Variants in BDH1 observed in about 807,000 individuals in gnomAD.
The protein encoded by BDH1 is 3-hydroxybutyrate dehydrogenase 1.
In BDH1, 30 loss-of-function variants were observed where a neutral mutation model predicts 33.1. The observed-to-expected ratio is 0.91, with a 90% CI of 0.68 to 1.23. The LOEUF (loss-of-function observed/expected upper bound fraction) is 1.23, where lower values mean the gene tolerates loss of function less well. Ranked by LOEUF, BDH1 falls within the 50% of genes most tolerant of loss-of-function variation. BDH1 has a pLI of 0.00. For synonymous variants in BDH1, 190 were observed against 183.6 expected (o/e 1.03, Z -0.28); for missense variants, 443 against 464.4 (o/e 0.95, Z 0.42).
rs532913436 is a variant in BDH1 at position 197,545,787 on chromosome 3, C to T, written c.83+574G>A. Among the ~76,000 whole-genome samples, 58 of 152,308 alleles carry T rather than the reference C, an allele frequency of 3.8e-4. 1 individual carries two copies. Among genetic ancestry groups the T allele is most frequent in the South Asian group, 3.3e-3 (16 of 4,826 alleles). ...AAGGGGATCCAGAAACCCTTTCCAA[C>T]GATTTTTGCAACTTTTGTATAAGTC... On this transcript the variant is annotated intron_variant, in intron 3 of 7. Coordinates refer to ENST00000392379, the MANE Select transcript of BDH1 (RefSeq NM_203314.3).
Position 197,520,955 on chromosome 3 carries a change from C to T in BDH1, c.409+1685G>A, listed in dbSNP as rs117703881. Reference sequence around the variant, plus strand: ...GCGACAGTGGGCTGATGAGGTGGCACATCAGAGACAGGCAGAGGAGCGGCA... The same window carrying T: ...GCGACAGTGGGCTGATGAGGTGGCATATCAGAGACAGGCAGAGGAGCGGCA... On this transcript the variant is annotated intron_variant, in intron 6 of 7. Coordinates refer to ENST00000392379, the MANE Select transcript of BDH1 (RefSeq NM_203314.3). The surrounding 1 kb of genome is among the most constrained non-coding windows in gnomAD (Gnocchi z 6.0). Among the ~76,000 whole-genome samples the T allele has an allele frequency of 0.017, 2,651 of 152,246 alleles. 49 individuals are homozygous for T. The highest frequency in any genetic ancestry group is 0.099 in the East Asian group (513 of 5,170).
chr3:197,569,720 G>A (rs1717547310), intron 1 of BDH1, among the ~76,000 whole-genome samples: 2 of 152,164 alleles, frequency 1.3e-5, no homozygotes, highest in South Asian at 4.1e-4. Context: ...TTTGCCTTCT[G>A]CCATGATTGT....
At chr3:197,567,429 CAA>C (rs1717468884) in intron 1 of BDH1, among the ~76,000 whole-genome samples, 1 of 152,156 alleles carries the variant, frequency 6.6e-6, no homozygotes, top group African/African-American at 2.4e-5. Context: ...ATCAGAAACT[CAA>C]AAGAGTGCAA....
Position 197,522,911 on chromosome 3 carries a change from T to C in BDH1, c.268-130A>G, listed in dbSNP as rs1467172686. The C allele has an allele frequency of 9.2e-7, 1 of 1,092,488 alleles. No individual in the cohort carries two copies. Among genetic ancestry groups the C allele is most frequent in the Non-Finnish European group, 1.3e-6 (1 of 767,532 alleles). 67.7% of individuals were successfully genotyped at this position (1,092,488 alleles called of 1,614,324 possible). On this transcript the variant is annotated intron_variant, in intron 5 of 7. Transcript: ENST00000392379. This position sits in a 1 kb window ranked among gnomAD's most constrained non-coding sequence, Gnocchi z 4.8. ...CCTCAGGCATACTGGCAACTGCCCA[T>C]GGGCCTGGCCCACCAGCATGCGGTT...
intron 3 of BDH1, among the ~76,000 whole-genome samples, chr3:197,536,774 C>T (rs1029668492): frequency 6.6e-6 from 1 of 151,980 alleles, no homozygotes; most frequent in Non-Finnish European, 1.5e-5. Context: ...ACCCAGGAGG[C>T]GGAGGTCAAA....
chr3:197,515,100 G>C (rs1313187236), intron 6 of BDH1, among the ~76,000 whole-genome samples: 1 of 152,220 alleles, frequency 6.6e-6, no homozygotes, highest in Admixed American at 6.5e-5. Context: ...GTGGGAACTC[G>C]GCGCTGCTTT....
chr3:197,560,557 C>T (rs560028883), upstream of BDH1, among the ~76,000 whole-genome samples: 25 of 152,302 alleles, frequency 1.6e-4, 1 homozygote, highest in African/African-American at 4.3e-4. Context: ...TAAATGACCC[C>T]GTCTGCTTTG....
In BDH1 at chr3:197,514,379, C is replaced by T. The variant is rs374123564; in HGVS notation, c.447G>A (p.Thr149=). The change falls in exon 7 of 8, where the codon ACG becomes ACA. Residue 149 remains threonine (T), a synonymous_variant. Coordinates refer to ENST00000392379, the MANE Select transcript of BDH1 (RefSeq NM_203314.3). The surrounding 1 kb of genome is among the most constrained non-coding windows in gnomAD (Gnocchi z 4.2). ...WGLVNNAGIS[T]FGEVEFTSLE... is the part of the protein sequence containing the mutation. ...GGCTGGTGAACTCCACCTCCCCGAA[C>T]GTTGAGATGCCGGCATTGTTAACGA... is the stretch of plus-strand genomic sequence containing the variant. 2.5e-5 allele frequency: 40 copies of T among 1,612,122 alleles called. No individual in the cohort carries two copies. The highest frequency in any genetic ancestry group is 3.3e-4 in the Middle Eastern group (2 of 6,074).
At position 197,536,830 on chromosome 3, in the gene BDH1, TGA is replaced by T. The variant is rs1189908267; in HGVS notation, c.84-3271_84-3270del. 2.6e-5 allele frequency among the ~76,000 whole-genome samples: 4 copies of T among 151,754 alleles called. No individual in the cohort carries two copies. In the East Asian group the frequency reaches 7.7e-4, roughly 29 times the overall value. On this transcript the variant is annotated intron_variant, in intron 3 of 7. Coordinates refer to ENST00000392379, the MANE Select transcript of BDH1 (RefSeq NM_203314.3). ...TGCACTGCAGCCTGGGCAACAAGAG[TGA>T]AACTCCGTCTCAAAAAAACCCAACC...
At chr3:197,549,080 G>C (rs1227890596) in intron 2 of BDH1, among the ~76,000 whole-genome samples, 1 of 152,078 alleles carries the variant, frequency 6.6e-6, no homozygotes, top group East Asian at 1.9e-4. Flanking sequence ...CCACTTTCTT[G>C]CCTTTTAGTT....
In BDH1 at chr3:197,516,585, T is replaced by C. The variant is rs1712753252; in HGVS notation, c.410-2169A>G. 6.6e-6 allele frequency among the ~76,000 whole-genome samples: 1 copy of C among 152,056 alleles called. No individual in the cohort carries two copies. The highest frequency in any genetic ancestry group is 1.5e-5 in the Non-Finnish European group (1 of 68,002). On this transcript the variant is annotated intron_variant, in intron 6 of 7. Transcript: ENST00000392379. This position sits in a 1 kb window ranked among gnomAD's most constrained non-coding sequence, Gnocchi z 4.2. Reference sequence around the variant, plus strand: ...CGCACCAGTGGCCCCTCAGTTCTCCTTGGGAGTCACGGCTCTCTCTCCTCA... The same window carrying C: ...CGCACCAGTGGCCCCTCAGTTCTCCCTGGGAGTCACGGCTCTCTCTCCTCA...
chr3:197,553,562 G>C (rs893848550), intron 2 of BDH1, among the ~76,000 whole-genome samples: 1 of 150,326 alleles, frequency 6.7e-6, no homozygotes, highest in African/African-American at 2.4e-5. Flanking sequence ...GTTTTAAGAA[G>C]AGGAGTGCCA....
chr3:197,564,208 G>A (rs1269003571), intron 1 of BDH1, among the ~76,000 whole-genome samples: 2 of 150,958 alleles, frequency 1.3e-5, no homozygotes. Context: ...GGTAAATTTA[G>A]TCCTAGAGTA....
Position 197,546,386 on chromosome 3 carries a change from C to A in BDH1, c.58G>T (p.Ala20Ser). 1 of 1,614,138 alleles carries A rather than the reference C, an allele frequency of 6.2e-7. No individual in the cohort carries two copies. Residue 20 changes from alanine to serine, a missense_variant, in exon 3 of 8, where the codon GCC becomes TCC. Coordinates refer to ENST00000392379, the MANE Select transcript of BDH1 (RefSeq NM_203314.3). Reference sequence around the variant, plus strand: ...CTTGCTCCATTTTCTCTATCACAGGCACTTAGGGTTTTTCCTGGGAGCCGT... The same window carrying A: ...CTTGCTCCATTTTCTCTATCACAGGAACTTAGGGTTTTTCCTGGGAGCCGT... The part of the protein sequence containing the change: ...LSRLPGKTLS[A>S]CDRENGARRP...
intron 5 of BDH1, among the ~76,000 whole-genome samples, chr3:197,531,542 G>A (rs1579932061): frequency 6.6e-6 from 1 of 151,264 alleles, no homozygotes; most frequent in Admixed American, 6.6e-5. Context: ...TCTGCAACAT[G>A]GATGACTCTC....
intron 1 of BDH1, among the ~76,000 whole-genome samples, chr3:197,572,411 G>A (rs1717638432): frequency 6.6e-6 from 1 of 152,164 alleles, no homozygotes; most frequent in African/African-American, 2.4e-5. Flanking sequence ...CGTACACATA[G>A]ACATATAGCT....
chr3:197,548,328 C>T (rs1716263241), intron 2 of BDH1, among the ~76,000 whole-genome samples: 1 of 152,224 alleles, frequency 6.6e-6, no homozygotes, highest in Admixed American at 6.5e-5. Flanking sequence ...GCACACACAT[C>T]TCTACCTCCT....
chr3:197,546,591 G>A (rs757190716), intron 2 of BDH1, 105 bp from the exon 3 acceptor site: 1 of 707,630 alleles, frequency 1.4e-6, no homozygotes, highest in Non-Finnish European at 2.4e-6. Flanking sequence ...GGCTGCATCT[G>A]TTCCACCCAG....
Position 197,512,162 on chromosome 3 carries a change from G to A in BDH1, c.765C>T (p.Ala255=). 6.2e-7 allele frequency: 1 copy of A among 1,614,146 alleles called. No individual in the cohort carries two copies. Among genetic ancestry groups the A allele is most frequent in the South Asian group, 1.1e-5 (1 of 91,088 alleles). ...TSLYSPESIQ[A]IAKKMWEELP... ...GCTCCTCCCACATCTTCTTGGCGAT[G>A]GCCTGAATGCTCTCAGGGCTGTAAA... The change falls in exon 8 of 8, where the codon GCC becomes GCT. Residue 255 remains alanine (A), a synonymous_variant. Coordinates refer to ENST00000392379, the MANE Select transcript of BDH1 (RefSeq NM_203314.3).
Sources: gnomAD v4.1 joint callset for allele counts (sites outside exome capture counted in the v4.1 genomes callset) on GRCh38, gnomAD v4.1.1 for gene constraint, Gnocchi (gnomAD v3.1) non-coding constraint, MANE v1.5 for transcripts, NCBI Gene and HGNC (gene_info 2026-07-23, HGNC 2026-07-21) for gene names.